The following STOX1 variants were observed in gnomAD, a reference collection of about 807,000 sequenced individuals.
STOX1 encodes the protein storkhead box 1.
STOX1 carries 57 observed loss-of-function variants against 74.8 expected under a neutral mutation model. The ratio of observed to expected loss-of-function variants is 0.76; its 90% CI spans 0.62 to 0.95. STOX1 has a LOEUF of 0.95. Ranked by LOEUF, STOX1 falls within the 40% of genes least tolerant of loss-of-function variation. STOX1 has a pLI of 0.00. For missense variants in STOX1, 1,010 were observed against 1,117.0 expected (o/e 0.90, Z 1.37); for synonymous variants, 375 against 401.3 (o/e 0.93, Z 0.78).
chr10:68,894,752 C>A (rs887284449), downstream of STOX1, among the ~76,000 whole-genome samples: 2 of 152,062 alleles, frequency 1.3e-5, no homozygotes, highest in African/African-American at 4.8e-5. Context: ...TTTTTTGAGA[C>A]GGGGTCTCTG....
intron 1 of STOX1, among the ~76,000 whole-genome samples, chr10:68,859,022 C>T (rs573639025): frequency 5.0e-4 from 76 of 152,196 alleles, no homozygotes; most frequent in African/African-American, 1.3e-3. Context: ...CAACCCTGCC[C>T]ACAGAGACCT....
At chr10:68,863,293 A>G (rs1020449080) in intron 1 of STOX1, among the ~76,000 whole-genome samples, 1 of 152,258 alleles carries the variant, frequency 6.6e-6, no homozygotes, top group East Asian at 1.9e-4. Flanking sequence ...ACTCACGGCA[A>G]TGCTGATCAC....
At chr10:68,865,954 G>A (rs1025025653) in intron 1 of STOX1, among the ~76,000 whole-genome samples, 31 of 152,066 alleles carry the variant, frequency 2.0e-4, no homozygotes, top group African/African-American at 7.2e-4. Context: ...GCTTAACAAT[G>A]GCCACCATCA....
At chr10:68,846,838 A>G (rs902811878) in intron 1 of STOX1, 1 of 152,208 alleles carries the variant, frequency 6.6e-6, no homozygotes, top group African/African-American at 2.4e-5. Flanking sequence ...ACTAAAATTC[A>G]AACGATATAG....
intron 1 of STOX1, among the ~76,000 whole-genome samples, chr10:68,852,697 C>T (rs373528777): frequency 1.3e-5 from 2 of 151,862 alleles, no homozygotes; most frequent in Non-Finnish European, 2.9e-5. Flanking sequence ...ATATTCCTGC[C>T]TCAGCCTCCT....
intron 1 of STOX1, among the ~76,000 whole-genome samples, chr10:68,853,826 C>T (rs763725990): frequency 2.2e-4 from 33 of 151,720 alleles, no homozygotes; most frequent in Non-Finnish European, 4.3e-4. Flanking sequence ...TCTCGGATTA[C>T]AGGCATCAGC....
intron 1 of STOX1, chr10:68,828,348 G>T (rs1310130999): frequency 9.6e-7 from 1 of 1,043,190 alleles, no homozygotes; most frequent in Non-Finnish European, 1.2e-6. Context: ...GGCGAGCGCG[G>T]CCCCGTCTTC....
At chr10:68,864,558 A>G (rs1300489733) in intron 1 of STOX1, among the ~76,000 whole-genome samples, 1 of 152,216 alleles carries the variant, frequency 6.6e-6, no homozygotes, top group African/African-American at 2.4e-5. Context: ...GAGTTCTCCC[A>G]TTTCCTATCA....
intron 1 of STOX1, among the ~76,000 whole-genome samples, chr10:68,829,900 C>G (rs1402659375): frequency 1.3e-5 from 2 of 152,160 alleles, no homozygotes; most frequent in Non-Finnish European, 2.9e-5. Flanking sequence ...CGATGAAAAA[C>G]TCTTTTCAGT....
Position 68,885,983 on chromosome 10 carries a change from T to C in STOX1, c.2187T>C (p.Asp729=). The C allele has an allele frequency of 6.2e-7, 1 of 1,614,202 alleles. No individual in the cohort carries two copies. The highest frequency in any genetic ancestry group is 8.5e-7 in the Non-Finnish European group (1 of 1,180,040). The stretch of plus-strand genomic sequence containing the variant: ...ATCAGAATGAAGTGGAAGATGATGA[T>C]GGTGCCTGTAGTTCATTATATCTAG... ...ALYQNEVEDD[D]GACSSLYLEE... is the part of the protein sequence containing the mutation. Residue 729 remains aspartate, a synonymous_variant, in exon 3 of 4, where the codon GAT becomes GAC. Transcript: ENST00000298596.
At chr10:68,829,432 G>T (rs950651358) in intron 1 of STOX1, among the ~76,000 whole-genome samples, 10 of 152,168 alleles carry the variant, frequency 6.6e-5, no homozygotes, top group Non-Finnish European at 1.3e-4. Context: ...CAGGAGAATC[G>T]CTTGAATCCA....
Position 68,884,872 on chromosome 10 carries a change from A to C in STOX1, c.1076A>C (p.His359Pro), listed in dbSNP as rs1840900570. Residue 359 changes from histidine (H) to proline (P), a missense_variant, in exon 3 of 4, where the codon CAT becomes CCT. Coordinates refer to ENST00000298596, the MANE Select transcript of STOX1 (RefSeq NM_152709.5). ...DLDNIPRDVE[H>P]EIIKRINPIL... ...GACAATATCCCTCGAGATGTTGAAC[A>C]TGAGATAATCAAACGAATTAACCCC... is the stretch of plus-strand genomic sequence containing the variant. 1.9e-6 allele frequency: 3 copies of C among 1,614,056 alleles called. No individual in the cohort carries two copies. The highest frequency in any genetic ancestry group is 2.5e-6 in the Non-Finnish European group (3 of 1,179,938).
At chr10:68,873,201 T>C (rs1055768178) in intron 1 of STOX1, among the ~76,000 whole-genome samples, 1 of 151,924 alleles carries the variant, frequency 6.6e-6, no homozygotes, top group Non-Finnish European at 1.5e-5. Context: ...AGGATTCTTT[T>C]ACTTCTGAGA....
rs546017401 is a variant in STOX1 at position 68,850,841 on chromosome 10, G to A, written c.310+22908G>A. ...ACAAAAATTAGCTGGGCATGGTGGC[G>A]TTCAGCTGTAGTCCCAGCTACTTGG... On this transcript the variant is annotated intron_variant, in intron 1 of 3. Transcript: ENST00000298596. Among the ~76,000 whole-genome samples the A allele has an allele frequency of 7.2e-5, 11 of 151,904 alleles. No individual in the cohort carries two copies. In the South Asian group the frequency reaches 1.2e-3, roughly 17 times the overall value.
chr10:68,855,719 A>T (rs576794722), intron 1 of STOX1, among the ~76,000 whole-genome samples: 4 of 151,888 alleles, frequency 2.6e-5, no homozygotes, highest in Non-Finnish European at 5.9e-5. Context: ...TGGCAGGATT[A>T]TAGGCGTAAG....
chr10:68,848,365 A>G (rs1839903847), intron 1 of STOX1, among the ~76,000 whole-genome samples: 2 of 152,170 alleles, frequency 1.3e-5, no homozygotes, highest in South Asian at 4.2e-4. Flanking sequence ...ACCTAAGCCC[A>G]GTGGCCTGCA....
At chr10:68,851,705 G>A (rs2133537618) in intron 1 of STOX1, among the ~76,000 whole-genome samples, 1 of 152,220 alleles carries the variant, frequency 6.6e-6, no homozygotes, top group Non-Finnish European at 1.5e-5. Flanking sequence ...GCTGGGTGTG[G>A]TGGTGTGCAC....
chr10:68,864,434 A>G (rs1380834147), intron 1 of STOX1, among the ~76,000 whole-genome samples: 6 of 152,220 alleles, frequency 3.9e-5, no homozygotes, highest in Non-Finnish European at 7.3e-5. Flanking sequence ...ATACCCACAA[A>G]GTCAGATAAA....
chr10:68,878,441 C>T (rs1291942232), intron 1 of STOX1, among the ~76,000 whole-genome samples: 1 of 152,124 alleles, frequency 6.6e-6, no homozygotes, highest in East Asian at 1.9e-4. Context: ...CATCATCTAT[C>T]GCCACTCTTT....
Sources: allele counts gnomAD v4.1 joint callset (sites outside exome capture counted in the v4.1 genomes callset), GRCh38; gene constraint gnomAD v4.1.1; transcripts MANE v1.5; gene names NCBI Gene and HGNC (gene_info 2026-07-23, HGNC 2026-07-21).